Variants in RASAL2 observed in about 807,000 individuals in gnomAD.
RASAL2 encodes the protein RAS protein activator like 2, also known as ras GTPase-activating protein nGAP.
In RASAL2, 58 loss-of-function variants were observed where a neutral mutation model predicts 128.9. The observed-to-expected ratio is 0.45, with a 90% CI of 0.36 to 0.56. RASAL2 has a LOEUF of 0.56. Among genes scored for constraint, RASAL2 ranks in the 20% least tolerant of loss-of-function variants. RASAL2 has a pLI of 0.00. For missense variants in RASAL2, 1,360 were observed against 1,601.6 expected (o/e 0.85, Z 2.57); for synonymous variants, 561 against 580.8 (o/e 0.97, Z 0.49).
intron 1 of RASAL2, among the ~76,000 whole-genome samples, chr1:178,226,526 T>C (rs1663793595): frequency 6.6e-6 from 1 of 152,218 alleles, no homozygotes; most frequent in Non-Finnish European, 1.5e-5. Context: ...GGTTGTGTTG[T>C]AATACTTGCT....
At chr1:178,096,684 A>C (rs997898431) in intron 1 of RASAL2, among the ~76,000 whole-genome samples, 3 of 152,012 alleles carry the variant, frequency 2.0e-5, no homozygotes, top group Non-Finnish European at 2.9e-5. Flanking sequence ...ACACATATAC[A>C]TACCATGCCT....
intron 4 of RASAL2, among the ~76,000 whole-genome samples, chr1:178,401,493 G>A (rs188405438): frequency 6.6e-6 from 1 of 152,158 alleles, no homozygotes; most frequent in East Asian, 1.9e-4. Flanking sequence ...AGTTCCATGG[G>A]GCTGGGCCTG....
intron 1 of RASAL2, among the ~76,000 whole-genome samples, chr1:178,136,756 CAAAAAAAAAAAAAAA>C (rs397982072): frequency 2.1e-5 from 1 of 47,200 alleles, no homozygotes; most frequent in African/African-American, 1.0e-4. Context: ...GACTCTGTCT[CAAAAAAAAAAAAAAA>C]AAAAAAAAAA....
intron 17 of RASAL2, among the ~76,000 whole-genome samples, chr1:178,471,374 A>G (rs997452636): frequency 8.9e-4 from 135 of 152,282 alleles, no homozygotes; most frequent in African/African-American, 3.1e-3. Context: ...TTGTTATCCC[A>G]GTAAACTTCA....
intron 1 of RASAL2, among the ~76,000 whole-genome samples, chr1:178,115,347 G>A (rs1355403475): frequency 3.3e-5 from 5 of 152,210 alleles, no homozygotes; most frequent in African/African-American, 9.6e-5. Flanking sequence ...ATTAGTTTAT[G>A]TCTTCCCTGT....
At chr1:178,311,655 G>A (rs985120049) in intron 3 of RASAL2, among the ~76,000 whole-genome samples, 6 of 152,014 alleles carry the variant, frequency 3.9e-5, no homozygotes, top group African/African-American at 7.2e-5. Context: ...CTGAATGATG[G>A]GACTCCTCCA....
intron 3 of RASAL2, among the ~76,000 whole-genome samples, chr1:178,324,654 T>C (rs141115997): frequency 3.9e-4 from 60 of 152,240 alleles, no homozygotes; most frequent in African/African-American, 1.3e-3. Flanking sequence ...GCCCAGAACC[T>C]TTTCTGAAAG....
At chr1:178,357,670 T>G (rs556385199) in intron 3 of RASAL2, among the ~76,000 whole-genome samples, 2 of 152,300 alleles carry the variant, frequency 1.3e-5, no homozygotes, top group South Asian at 2.1e-4. Flanking sequence ...GGAATTACAA[T>G]GAATGTATAG....
At chr1:178,308,486 G>A (rs1668095904) in intron 3 of RASAL2, among the ~76,000 whole-genome samples, 1 of 151,120 alleles carries the variant, frequency 6.6e-6, no homozygotes, top group Middle Eastern at 3.4e-3. Context: ...ATATTATAAA[G>A]GATAAAGCTT....
intron 1 of RASAL2, among the ~76,000 whole-genome samples, chr1:178,119,208 A>G (rs1452356980): frequency 6.6e-6 from 1 of 152,154 alleles, no homozygotes; most frequent in Admixed American, 6.5e-5. Context: ...TCACTGAAAT[A>G]TGCTGCCACT....
chr1:178,301,472 GCC>G (rs1227252601), intron 3 of RASAL2, among the ~76,000 whole-genome samples: 2 of 150,460 alleles, frequency 1.3e-5, no homozygotes. Context: ...TTGCTGTGTT[GCC>G]CAGGCTGGAG....
intron 4 of RASAL2, among the ~76,000 whole-genome samples, chr1:178,402,222 C>G (rs952953444): frequency 6.6e-6 from 1 of 152,082 alleles, no homozygotes; most frequent in African/African-American, 2.4e-5. Context: ...TCGAGACCAG[C>G]CTAGCCAACA....
At chr1:178,204,177 G>A (rs1468186364) in intron 1 of RASAL2, among the ~76,000 whole-genome samples, 2 of 152,166 alleles carry the variant, frequency 1.3e-5, no homozygotes, top group Non-Finnish European at 2.9e-5. Flanking sequence ...CGGCATTTAA[G>A]TGTTGTTAAC....
In RASAL2 at chr1:178,452,438, G is replaced by A. The variant is rs200443147; in HGVS notation, c.1795G>A (p.Glu599Lys). 6.2e-6 allele frequency: 10 copies of A among 1,614,050 alleles called. No homozygotes were observed. Among genetic ancestry groups the A allele is most frequent in the Middle Eastern group, 1.6e-4 (1 of 6,062 alleles). Residue 599 changes from glutamate (E) to lysine (K), a missense_variant, in exon 11 of 18, where the codon GAA becomes AAA. Physicochemically the swap from Glu to Lys is moderately conservative, Grantham distance 56. Transcript: ENST00000367649. ...TAGTGTTTTCCCTCGTGAGTTGAAA[G>A]AAGTGTTTGCATCATGGAAGCAGCA... ...SYCVFPRELK[E>K]VFASWKQQCL...
At chr1:178,369,072 C>T (rs889372516) in intron 3 of RASAL2, among the ~76,000 whole-genome samples, 10 of 152,024 alleles carry the variant, frequency 6.6e-5, no homozygotes, top group African/African-American at 1.4e-4. Context: ...ATGCTTTGTT[C>T]GGATTATAAA....
chr1:178,199,695 G>A (rs1456962387), intron 1 of RASAL2, among the ~76,000 whole-genome samples: 1 of 149,326 alleles, frequency 6.7e-6, no homozygotes, highest in Non-Finnish European at 1.5e-5. Flanking sequence ...GTTTTTTTTT[G>A]GAGACAAAAA....
chr1:178,385,560 T>G (rs1672517507), intron 3 of RASAL2, among the ~76,000 whole-genome samples: 1 of 151,934 alleles, frequency 6.6e-6, no homozygotes. Context: ...AAAAAAAAAG[T>G]CCTTACAAGA....
intron 3 of RASAL2, among the ~76,000 whole-genome samples, chr1:178,351,206 T>C (rs1670458530): frequency 6.6e-6 from 1 of 152,184 alleles, no homozygotes; most frequent in East Asian, 1.9e-4. Context: ...GGGATTATAA[T>C]TTGACATGAG....
intron 1 of RASAL2, among the ~76,000 whole-genome samples, chr1:178,210,916 C>G (rs1256209728): frequency 6.6e-6 from 1 of 152,164 alleles, no homozygotes; most frequent in African/African-American, 2.4e-5. Flanking sequence ...ACCTAGAAGA[C>G]TTGAAGCTAG....
Sources: allele counts gnomAD v4.1 joint callset (sites outside exome capture counted in the v4.1 genomes callset), GRCh38; gene constraint gnomAD v4.1.1; transcripts MANE v1.5; gene names NCBI Gene and HGNC (gene_info 2026-07-23, HGNC 2026-07-21).